Variants in TENM3 observed in about 807,000 individuals in gnomAD.
The protein encoded by TENM3 is teneurin-3.
A neutral mutation model predicts 255.1 loss-of-function variants in TENM3; 63 were observed. The ratio of observed to expected loss-of-function variants is 0.25; its 90% confidence interval spans 0.20 to 0.30. The LOEUF (loss-of-function observed/expected upper bound fraction) is 0.30. Among genes scored for constraint, TENM3 ranks in the 10% least tolerant of loss-of-function variants. The pLI is 1.00. For synonymous variants in TENM3, 1,306 were observed against 1,322.3 expected (o/e 0.99, Z 0.27); for missense variants, 2,929 against 3,461.1 (o/e 0.85, Z 3.86).
At chr4:182,568,259 CCTCAACACATTTTGAG>C (rs1304939789) in intron 3 of TENM3, among the ~76,000 whole-genome samples, 1 of 152,104 alleles carries the variant, frequency 6.6e-6, no homozygotes, top group Non-Finnish European at 1.5e-5. Context: ...TGCACTGAAC[CCTCAACACATTTTGAG>C]CTCAACACAG....
At chr4:182,079,928 C>T in the TENM3 span, 3 of 152,348 alleles carry the variant, frequency 2.0e-5, no homozygotes, top group South Asian at 6.2e-4. Flanking sequence ...CTCTCGACTA[C>T]ATGTCAAGAA....
chr4:182,242,014 T>TC (rs1561232995), upstream of TENM3, among the ~76,000 whole-genome samples: 1 of 144,476 alleles, frequency 6.9e-6, no homozygotes, highest in East Asian at 1.9e-4. Context: ...TTTTTTTTTT[T>TC]CCTCTCTCTT....
the TENM3 span, among the ~76,000 whole-genome samples, chr4:181,940,060 G>A: frequency 2.6e-5 from 4 of 152,102 alleles, no homozygotes; most frequent in East Asian, 3.9e-4. Context: ...AGATTCCTTC[G>A]GGATTTTTGC....
At chr4:181,874,738 C>T in the TENM3 span, among the ~76,000 whole-genome samples, 1 of 152,162 alleles carries the variant, frequency 6.6e-6, no homozygotes, top group Admixed American at 6.5e-5. Flanking sequence ...TTTCTGGTGC[C>T]CTACCATGCA....
At chr4:182,779,415 TC>T (rs1348288752) in intron 24 of TENM3, among the ~76,000 whole-genome samples, 2 of 152,190 alleles carry the variant, frequency 1.3e-5, no homozygotes, top group Non-Finnish European at 2.9e-5. Context: ...TGCATAGTAT[TC>T]CATGGTGTAT....
At chr4:181,653,044 G>A in the TENM3 span, among the ~76,000 whole-genome samples, 1 of 152,032 alleles carries the variant, frequency 6.6e-6, no homozygotes, top group Non-Finnish European at 1.5e-5. Flanking sequence ...TCAAAAAATC[G>A]GCAGCTGACA....
chr4:182,657,912 T>C (rs947105256), intron 6 of TENM3, among the ~76,000 whole-genome samples: 2 of 152,218 alleles, frequency 1.3e-5, no homozygotes, highest in South Asian at 2.1e-4. Context: ...TGCCTCAGCC[T>C]CCCAAAGTGC....
chr4:181,900,636 CT>C, the TENM3 span, among the ~76,000 whole-genome samples: 3 of 152,144 alleles, frequency 2.0e-5, no homozygotes, highest in Non-Finnish European at 2.9e-5. Flanking sequence ...CCTCTTTTTC[CT>C]TCAGTGCAAT....
chr4:182,033,330 A>C, the TENM3 span, among the ~76,000 whole-genome samples: 1 of 152,172 alleles, frequency 6.6e-6, no homozygotes, highest in East Asian at 1.9e-4. Context: ...CAAGTTGTTC[A>C]CTTTCCATAT....
At chr4:181,605,523 A>G in the TENM3 span, among the ~76,000 whole-genome samples, 5 of 22,240 alleles carry the variant, frequency 2.2e-4, no homozygotes, top group South Asian at 0.011. Flanking sequence ...AGAAAGAAAG[A>G]AAGAAAGAAA....
At chr4:181,516,522 T>A in the TENM3 span, among the ~76,000 whole-genome samples, 1 of 152,080 alleles carries the variant, frequency 6.6e-6, no homozygotes, top group Non-Finnish European at 1.5e-5. Context: ...GGCTCACAAC[T>A]GTAATCCCAG....
At chr4:182,626,931 GA>G (rs997442173) in intron 4 of TENM3, among the ~76,000 whole-genome samples, 3 of 151,544 alleles carry the variant, frequency 2.0e-5, no homozygotes, top group Non-Finnish European at 2.9e-5. Flanking sequence ...TACAGGTCAA[GA>G]AAAAAAACTG....
chr4:182,060,226 G>T, the TENM3 span, among the ~76,000 whole-genome samples: 1 of 152,168 alleles, frequency 6.6e-6, no homozygotes, highest in African/African-American at 2.4e-5. Flanking sequence ...AACAGAGTGA[G>T]ACTCTGTATC....
chr4:182,773,736 G>A (rs1202097931), intron 23 of TENM3, 89 bp downstream of exon 23: 3 of 1,187,948 alleles, frequency 2.5e-6, no homozygotes, highest in East Asian at 2.4e-5. Context: ...ACCAGAAAAG[G>A]GAAGGTGAAA....
the TENM3 span, among the ~76,000 whole-genome samples, chr4:181,944,983 A>C: frequency 6.6e-6 from 1 of 152,136 alleles, no homozygotes; most frequent in East Asian, 1.9e-4. Context: ...CTCTCAGGGA[A>C]GACACTGTGG....
the TENM3 span, among the ~76,000 whole-genome samples, chr4:181,623,034 A>C: frequency 5.9e-5 from 9 of 152,202 alleles, no homozygotes; most frequent in Non-Finnish European, 1.2e-4. Flanking sequence ...TTCATTTCTA[A>C]TAGTAACTTT....
intron 1 of TENM3, among the ~76,000 whole-genome samples, chr4:182,256,606 C>T (rs1758416742): frequency 6.6e-6 from 1 of 152,156 alleles, no homozygotes; most frequent in South Asian, 2.1e-4. Flanking sequence ...AAGTCATCCC[C>T]TGTAACTTTG....
At position 182,590,835 on chromosome 4, in the gene TENM3, G is replaced by A. The variant is rs548720498; in HGVS notation, c.512-10089G>A. On this transcript the variant is annotated intron_variant, in intron 3 of 27. Coordinates refer to ENST00000511685, the MANE Select transcript of TENM3 (RefSeq NM_001080477.4). The stretch of plus-strand genomic sequence containing the variant: ...CTGCACTCCAGCCTGGAGACAGAGC[G>A]AGACTCCGTCTCAAAAGAAAAAAAA... Among the ~76,000 whole-genome samples, 20 of 149,328 alleles carry A rather than the reference G, an allele frequency of 1.3e-4. No individual in the cohort carries two copies. The South Asian group carries it at 3.2e-3, about 24-fold the overall frequency.
the TENM3 span, among the ~76,000 whole-genome samples, chr4:181,812,752 G>C: frequency 6.6e-4 from 101 of 152,280 alleles, no homozygotes; most frequent in African/African-American, 2.4e-3. Flanking sequence ...ACTGAGCATG[G>C]CTCAGAATTT....
Sources: gnomAD v4.1 joint callset for allele counts (sites outside exome capture counted in the v4.1 genomes callset) on GRCh38, gnomAD v4.1.1 for gene constraint, MANE v1.5 for transcripts, NCBI Gene and HGNC (gene_info 2026-07-23, HGNC 2026-07-21) for gene names.